CRISPLD2: variants seen among roughly 807,000 people sequenced by gnomAD.
CRISPLD2 encodes cysteine rich secretory protein LCCL domain containing 2.
CRISPLD2 carries 47 observed loss-of-function variants against 71.1 expected under a neutral mutation model. That is an observed-to-expected ratio of 0.66 (90% confidence interval 0.52 to 0.84). The LOEUF is 0.84. Ranked by LOEUF, CRISPLD2 falls within the 40% of genes least tolerant of loss-of-function variation. The probability of loss-of-function intolerance (pLI) is 0.00; values close to 1 mark genes in which losing one functional copy is unlikely to be tolerated. For synonymous variants in CRISPLD2, 317 were observed against 250.1 expected, an observed-to-expected ratio of 1.27 and a Z score of -2.52; for missense variants, 830 against 651.1, an observed-to-expected ratio of 1.27 and a Z score of -2.99.
chr16:84,822,222 G>C (rs995093955), intron 1 of CRISPLD2, among the ~76,000 whole-genome samples: 1 of 152,244 alleles, frequency 6.6e-6, no homozygotes, highest in Non-Finnish European at 1.5e-5. Context: ...CTGGTTCTGA[G>C]TCCTGCCTCT....
chr16:84,860,411 A>G (rs558434096), intron 6 of CRISPLD2, among the ~76,000 whole-genome samples: 1 of 152,124 alleles, frequency 6.6e-6, no homozygotes, highest in African/African-American at 2.4e-5. Context: ...CATGTGTCAC[A>G]CTCCGAACCT....
intron 5 of CRISPLD2, among the ~76,000 whole-genome samples, chr16:84,853,463 A>C (rs976375385): frequency 2.0e-5 from 3 of 152,182 alleles, no homozygotes; most frequent in Admixed American, 2.0e-4. Context: ...TGTGCACGTC[A>C]TAACAGTGCC....
intron 10 of CRISPLD2, 43 bp from the exon 11 acceptor site, chr16:84,873,877 C>G: frequency 6.6e-7 from 1 of 1,525,278 alleles, no homozygotes; most frequent in Non-Finnish European, 8.8e-7. Context: ...ATTCTATTTG[C>G]ATTTACCTAA....
At chr16:84,880,844 T>C (rs1055251155) in intron 13 of CRISPLD2, 27 of 298,910 alleles carry the variant, frequency 9.0e-5, no homozygotes, top group Middle Eastern at 2.3e-3. Context: ...TAGCTGGGGT[T>C]ACACAGTGCA....
intron 1 of CRISPLD2, among the ~76,000 whole-genome samples, chr16:84,831,791 G>C (rs1187681362): frequency 6.6e-6 from 1 of 152,186 alleles, no homozygotes; most frequent in Non-Finnish European, 1.5e-5. Context: ...CGGGAGTGCA[G>C]AGGCACGATC....
rs3222775 is a variant in CRISPLD2 at position 84,901,013 on chromosome 16, G to GCACA, written c.1440-5547_1440-5544dup. ...TGCAGTGAATCATGATGGTGTCACT[G>GCACA]CACACACACACACACACACACACAC... On this transcript the variant is annotated intron_variant, in intron 14 of 14. Transcript: ENST00000262424. 2.0e-3 allele frequency among the ~76,000 whole-genome samples: 276 copies of GCACA among 140,160 alleles called. 1 individual carries two copies. Among genetic ancestry groups the GCACA allele is most frequent in the Middle Eastern group, 3.4e-3 (1 of 292 alleles). 92.0% of individuals were successfully genotyped at this position (140,160 alleles called of 152,430 possible). A position where few individuals can be genotyped will look rare whatever the true frequency, so the allele number is the denominator to read the frequency against.
chr16:84,834,862 C>T (rs1053909186), intron 1 of CRISPLD2, among the ~76,000 whole-genome samples: 1 of 152,062 alleles, frequency 6.6e-6, no homozygotes, highest in Non-Finnish European at 1.5e-5. Context: ...GGACACCAGT[C>T]AGCTTGGTTA....
intron 14 of CRISPLD2, among the ~76,000 whole-genome samples, chr16:84,892,636 G>A (rs886715618): frequency 2.6e-5 from 4 of 152,040 alleles, no homozygotes; most frequent in Non-Finnish European, 2.9e-5. Context: ...AAAACACACC[G>A]CATCTTCAAG....
At chr16:84,862,853 G>C (rs1917424374) in intron 6 of CRISPLD2, among the ~76,000 whole-genome samples, 1 of 152,020 alleles carries the variant, frequency 6.6e-6, no homozygotes, top group Non-Finnish European at 1.5e-5. Flanking sequence ...ACCCTCTGAG[G>C]AGCCAGGTCC....
intron 11 of CRISPLD2, 95 bp from the exon 12 acceptor site, chr16:84,877,343 A>C: frequency 9.1e-7 from 1 of 1,094,066 alleles, no homozygotes; most frequent in South Asian, 1.3e-5. Context: ...GGGAACCCAT[A>C]GGCCCTGGTA....
chr16:84,847,597 G>T (rs892456818), intron 3 of CRISPLD2, among the ~76,000 whole-genome samples: 3 of 151,738 alleles, frequency 2.0e-5, no homozygotes, highest in Non-Finnish European at 4.4e-5. Context: ...GCTGCAGTGA[G>T]CCAGGATTGC....
chr16:84,903,506 C>T (rs769404936), intron 14 of CRISPLD2, among the ~76,000 whole-genome samples: 4 of 151,662 alleles, frequency 2.6e-5, no homozygotes, highest in Non-Finnish European at 4.4e-5. Flanking sequence ...GCAGGAGAAT[C>T]GCTTGAACCT....
In CRISPLD2 at chr16:84,873,049, C is replaced by T; in HGVS notation, c.1039C>T (p.Leu347=). 1 of 1,613,996 alleles carries T rather than the reference C, an allele frequency of 6.2e-7. No homozygotes were observed. Among genetic ancestry groups the T allele is most frequent in the Non-Finnish European group, 8.5e-7 (1 of 1,179,956 alleles). Residue 347 remains leucine, a synonymous_variant, in exon 10 of 15, where the codon CTG becomes TTG. Transcript: ENST00000262424. ...HYGILDDKGG[L]VDITRNGKVP... is the part of the protein sequence containing the mutation. The stretch of plus-strand genomic sequence containing the variant: ...CGGGATCCTGGATGACAAGGGAGGC[C>T]TGGTGGATATCACCAGGAACGGGAA...
chr16:84,849,755 C>G lies in CRISPLD2; in HGVS notation c.492+238C>G, dbSNP rs76364188. Among the ~76,000 whole-genome samples, 763 of 141,132 alleles carry G rather than the reference C, an allele frequency of 5.4e-3. 8 individuals carry two copies. Among genetic ancestry groups the G allele is most frequent in the African/African-American group, 0.019 (734 of 39,562 alleles). The allele number at this position is 141,132 out of a possible 152,430, so 92.6% of individuals were successfully genotyped here. A position where few individuals can be genotyped will look rare whatever the true frequency, so the allele number is the denominator to read the frequency against. On this transcript the variant is annotated intron_variant, in intron 4 of 14. Transcript: ENST00000262424. The stretch of plus-strand genomic sequence containing the variant: ...CTTTGAGGCAGTGTCTCCCTGCTAC[C>G]TGGGCTGGAGTGCAGTGGCATGATC...
chr16:84,825,089 G>T (rs536751947), intron 1 of CRISPLD2, among the ~76,000 whole-genome samples: 14 of 151,874 alleles, frequency 9.2e-5, no homozygotes, highest in African/African-American at 3.1e-4. Flanking sequence ...CCTGGGTGAC[G>T]GAGCGAGATG....
intron 5 of CRISPLD2, 86 bp downstream of exon 5, chr16:84,850,769 A>G: frequency 9.9e-7 from 1 of 1,012,002 alleles, no homozygotes; most frequent in South Asian, 1.3e-5. Context: ...TGGCTTGAGC[A>G]GCGAAGTCTT....
At chr16:84,845,432 C>T (rs1916885593) in intron 2 of CRISPLD2, among the ~76,000 whole-genome samples, 2 of 152,204 alleles carry the variant, frequency 1.3e-5, no homozygotes, top group African/African-American at 2.4e-5. Context: ...AGGCCAAGAC[C>T]GTCCCTAGAG....
intron 1 of CRISPLD2, among the ~76,000 whole-genome samples, chr16:84,831,505 C>T (rs769862353): frequency 4.6e-5 from 7 of 152,160 alleles, no homozygotes; most frequent in Admixed American, 1.3e-4. Context: ...GCGATCCTCC[C>T]GTCTCAGCCC....
intron 13 of CRISPLD2, among the ~76,000 whole-genome samples, chr16:84,884,125 G>A (rs953775988): frequency 8.0e-4 from 122 of 152,150 alleles, no homozygotes; most frequent in African/African-American, 2.9e-3. Context: ...GATTACAGGC[G>A]TGAGCCACCA....
Sources: gnomAD v4.1 joint callset for allele counts (sites outside exome capture counted in the v4.1 genomes callset) on GRCh38, gnomAD v4.1.1 for gene constraint, MANE v1.5 for transcripts, NCBI Gene and HGNC (gene_info 2026-07-23, HGNC 2026-07-21) for gene names.